The following NPEPPS variants were observed in gnomAD, a reference collection of about 807,000 sequenced individuals.
NPEPPS encodes puromycin-sensitive aminopeptidase.
In NPEPPS, 14 loss-of-function variants were observed where a neutral mutation model predicts 115.5. That is an observed-to-expected ratio of 0.12 (90% CI 0.08 to 0.19). The LOEUF (loss-of-function observed/expected upper bound fraction) is 0.19. NPEPPS is among the 10% of genes least tolerant of loss of function. The pLI is 1.00. For missense variants in NPEPPS, 523 were observed against 1,110.8 expected (o/e 0.47, Z 7.52); for synonymous variants, 285 against 390.6 (o/e 0.73, Z 3.19).
intron 5 of NPEPPS, among the ~76,000 whole-genome samples, chr17:47,584,974 C>T (rs186294172): frequency 0.044 from 6,724 of 152,088 alleles, 215 homozygotes; most frequent in Middle Eastern, 0.16. Flanking sequence ...ATTACAGGCA[C>T]CCCCCACCAT....
At chr17:47,548,020 C>T (rs1022914666) in intron 2 of NPEPPS, among the ~76,000 whole-genome samples, 12 of 151,898 alleles carry the variant, frequency 7.9e-5, no homozygotes, top group East Asian at 5.8e-4. Flanking sequence ...AGCGAGACTC[C>T]GTCTCAAAAA....
upstream of NPEPPS, among the ~76,000 whole-genome samples, chr17:47,527,448 C>G (rs1385714208): frequency 1.3e-5 from 2 of 152,006 alleles, no homozygotes; most frequent in Admixed American, 1.3e-4. Flanking sequence ...CACACCATTG[C>G]ACTCCAGCCT....
In NPEPPS at chr17:47,542,010, A is replaced by G. The variant is rs1597816328; in HGVS notation, c.256-3899A>G. Among the ~76,000 whole-genome samples the G allele has an allele frequency of 2.0e-5, 3 of 152,128 alleles. No homozygotes were observed. The East Asian group carries it at 5.8e-4, about 29-fold the overall frequency. ...AGGTAATTTTAGTTGCCAGCTAATC[A>G]TGTTTAAATATGTATTGGTTATTAA... On this transcript the variant is annotated intron_variant, in intron 1 of 22. Coordinates refer to ENST00000322157, the MANE Select transcript of NPEPPS (RefSeq NM_006310.4).
intron 12 of NPEPPS, among the ~76,000 whole-genome samples, chr17:47,594,629 A>ATGTTATGT (rs1555610750): frequency 2.8e-5 from 4 of 144,760 alleles, no homozygotes; most frequent in African/African-American, 1.0e-4. Context: ...ATGTTATGTT[A>ATGTTATGT]TGTTATGTTA....
chr17:47,532,909 T>C (rs938198183), intron 1 of NPEPPS, among the ~76,000 whole-genome samples: 1 of 152,168 alleles, frequency 6.6e-6, no homozygotes, highest in Non-Finnish European at 1.5e-5. Context: ...AACTGTTTGA[T>C]AGTTATCTGT....
Position 47,531,519 on chromosome 17 carries a change from C to T in NPEPPS, c.219C>T (p.Asp73=), listed in dbSNP as rs201212390. The change falls in exon 1 of 23, where the codon GAC becomes GAT. Residue 73 remains aspartate, a synonymous_variant. Transcript: ENST00000322157. ...TTTGCCTCAAGCCCGACTTGCTGGA[C>T]TTCACCTTCGAGGGCAAGCTGGAGG... ...YSLCLKPDLL[D]FTFEGKLEAA... is the part of the protein sequence containing the mutation. The T allele has an allele frequency of 0.054, 86,750 of 1,608,402 alleles. 2,729 individuals are homozygous for T. The highest frequency in any genetic ancestry group is 0.12 in the Middle Eastern group (518 of 4,466).
In NPEPPS at chr17:47,622,075, C is replaced by T. The variant is rs1914608810; in HGVS notation, c.*155C>T. 1.6e-6 allele frequency: 2 copies of T among 1,267,744 alleles called. No individual in the cohort carries two copies. The highest frequency in any genetic ancestry group is 3.7e-5 in the Admixed American group (1 of 26,964). The allele number at this position is 1,267,744 out of a possible 1,614,324, so 78.5% of individuals were successfully genotyped here. A position where few individuals can be genotyped will look rare whatever the true frequency, so the allele number is the denominator to read the frequency against. On this transcript the variant is annotated 3_prime_UTR_variant, in exon 23 of 23. Transcript: ENST00000322157. ...TAGTTAACTGGTTCCTGCTCACACT[C>T]CAGAATTAAATTCTATTGAAAAAGG... is the stretch of plus-strand genomic sequence containing the variant.
intron 2 of NPEPPS, among the ~76,000 whole-genome samples, chr17:47,562,268 C>T (rs142368759): frequency 0.013 from 1,930 of 152,342 alleles, 18 homozygotes; most frequent in South Asian, 0.057. Context: ...CAACTAGTGT[C>T]TGAAGTGGGG....
chr17:47,535,224 C>A (rs1363757501), intron 1 of NPEPPS, among the ~76,000 whole-genome samples: 2 of 93,338 alleles, frequency 2.1e-5, no homozygotes, highest in African/African-American at 4.6e-5. Flanking sequence ...GCCTGGGCAA[C>A]AGAGCAAGAC....
intron 9 of NPEPPS, among the ~76,000 whole-genome samples, chr17:47,589,422 A>G (rs1249385571): frequency 2.0e-5 from 3 of 150,210 alleles, no homozygotes; most frequent in Non-Finnish European, 4.4e-5. Flanking sequence ...TGACCAGCTA[A>G]TTTTTTTTTA....
chr17:47,607,870 A>G (rs559138480), intron 17 of NPEPPS, among the ~76,000 whole-genome samples: 1 of 152,316 alleles, frequency 6.6e-6, no homozygotes, highest in African/African-American at 2.4e-5. Flanking sequence ...AAAGATACAG[A>G]GTCTCGCTCT....
chr17:47,566,080 ACCT>A (rs1845783479), intron 2 of NPEPPS, among the ~76,000 whole-genome samples: 4 of 152,036 alleles, frequency 2.6e-5, no homozygotes, highest in Admixed American at 2.6e-4. Flanking sequence ...TCCAGCTTCA[ACCT>A]CCTAGGCTTC....
intron 2 of NPEPPS, among the ~76,000 whole-genome samples, chr17:47,569,090 C>G (rs1166628653): frequency 6.6e-6 from 1 of 152,128 alleles, no homozygotes; most frequent in Admixed American, 6.5e-5. Flanking sequence ...CTCAAATGTT[C>G]ATGAGTAAGA....
chr17:47,539,312 G>A (rs1166721721), intron 1 of NPEPPS, among the ~76,000 whole-genome samples: 1 of 152,062 alleles, frequency 6.6e-6, no homozygotes, highest in African/African-American at 2.4e-5. Flanking sequence ...CCTTCGGATG[G>A]CTTTTGTTAA....
chr17:47,610,283 C>G (rs1205050124), intron 17 of NPEPPS, among the ~76,000 whole-genome samples: 1 of 150,272 alleles, frequency 6.7e-6, no homozygotes, highest in Non-Finnish European at 1.5e-5. Context: ...ATTTCATGTA[C>G]ATAGAATCAC....
chr17:47,530,351 G>GTTT (rs58886094), upstream of NPEPPS, among the ~76,000 whole-genome samples: 103 of 97,794 alleles, frequency 1.1e-3, 1 homozygote, highest in African/African-American at 2.8e-3. Flanking sequence ...ATTATTAAAG[G>GTTT]TTTTTTTTTT....
chr17:47,535,242 CAAAAAAAA>C (rs1163530675), intron 1 of NPEPPS, among the ~76,000 whole-genome samples: 2 of 57,110 alleles, frequency 3.5e-5, no homozygotes, highest in Non-Finnish European at 2.9e-5. Flanking sequence ...GACTCTGTCT[CAAAAAAAA>C]AAAAAAAAAA....
intron 5 of NPEPPS, among the ~76,000 whole-genome samples, chr17:47,584,857 T>G (rs547376891): frequency 7.2e-4 from 109 of 152,310 alleles, no homozygotes; most frequent in African/African-American, 2.6e-3. Context: ...AGAAGGAGTC[T>G]CGCTGTGTCG....
chr17:47,572,717 G>A (rs952210317), intron 3 of NPEPPS, among the ~76,000 whole-genome samples: 1 of 152,082 alleles, frequency 6.6e-6, no homozygotes, highest in Non-Finnish European at 1.5e-5. Context: ...TTGAGAACCA[G>A]TCCAGCAGAA....
Sources: allele counts gnomAD v4.1 joint callset (sites outside exome capture counted in the v4.1 genomes callset), GRCh38; gene constraint gnomAD v4.1.1; transcripts MANE v1.5; gene names NCBI Gene and HGNC (gene_info 2026-07-23, HGNC 2026-07-21).